FBXO21: variants seen among roughly 807,000 people sequenced by gnomAD.
FBXO21 encodes the protein F-box protein 21.
In FBXO21, 32 loss-of-function variants were observed where a neutral mutation model predicts 76.6. The ratio of observed to expected loss-of-function variants is 0.42; its 90% CI spans 0.32 to 0.56. The LOEUF (loss-of-function observed/expected upper bound fraction) is 0.56. Among genes scored for constraint, FBXO21 ranks in the 20% least tolerant of loss-of-function variants. The pLI, the probability that FBXO21 is intolerant of heterozygous loss-of-function variation, is 0.16. For synonymous variants in FBXO21, 328 were observed against 311.5 expected (o/e 1.05, Z -0.56); for missense variants, 586 against 797.3 (o/e 0.73, Z 3.19).
chr12:117,152,872 A>C (rs947058130), intron 11 of FBXO21, among the ~76,000 whole-genome samples: 11 of 152,294 alleles, frequency 7.2e-5, no homozygotes, highest in Middle Eastern at 6.8e-3. Flanking sequence ...TGTTGAATTG[A>C]CTAGAGGGTA....
At position 117,174,199 on chromosome 12, in the gene FBXO21, A is replaced by G. The variant is rs1956150847; in HGVS notation, c.876+6T>C. 2.5e-6 allele frequency: 4 copies of G among 1,607,278 alleles called. No individual in the cohort carries two copies. The East Asian group carries it at 8.9e-5, about 36-fold the overall frequency. ...TATACCCATATATTACTGTACCTAT[A>G]TTTACCTGATGCATATATAAGTTGA... On this transcript the variant is annotated splice_donor_region_variant and intron_variant, in intron 6 of 11. Coordinates refer to ENST00000622495, the MANE Select transcript of FBXO21 (RefSeq NM_015002.3).
intron 3 of FBXO21, among the ~76,000 whole-genome samples, chr12:117,183,022 G>A (rs1292069794): frequency 1.3e-5 from 2 of 152,278 alleles, no homozygotes; most frequent in South Asian, 2.1e-4. Flanking sequence ...GAGCCCAGGG[G>A]TTTGAGTCTG....
intron 11 of FBXO21, among the ~76,000 whole-genome samples, chr12:117,147,657 C>T (rs1484672517): frequency 6.6e-6 from 1 of 151,720 alleles, no homozygotes; most frequent in Non-Finnish European, 1.5e-5. Context: ...GCTTGGTTTC[C>T]CACTTCCCCA....
chr12:117,184,519 C>T lies in FBXO21; in HGVS notation c.470+1958G>A, dbSNP rs118082722. Among the ~76,000 whole-genome samples, 5 of 152,226 alleles carry T rather than the reference C, an allele frequency of 3.3e-5. No individual in the cohort carries two copies. The East Asian group carries it at 9.7e-4, about 29-fold the overall frequency. On this transcript the variant is annotated intron_variant, in intron 3 of 11. Transcript: ENST00000622495. Reference sequence around the variant, plus strand: ...CCATAATCTCAGCACTCTGGGAAGCCGAGACCAGCAGATCACGTGACATCA... The same window carrying T: ...CCATAATCTCAGCACTCTGGGAAGCTGAGACCAGCAGATCACGTGACATCA...
In FBXO21 at chr12:117,180,266, G is replaced by C. The variant is rs534394704; in HGVS notation, c.471-2625C>G. Among the ~76,000 whole-genome samples the C allele has an allele frequency of 9.2e-5, 14 of 152,328 alleles. No homozygotes were observed. The East Asian group carries it at 2.7e-3, about 29-fold the overall frequency. On this transcript the variant is annotated intron_variant, in intron 3 of 11. Coordinates refer to ENST00000622495, the MANE Select transcript of FBXO21 (RefSeq NM_015002.3). The stretch of plus-strand genomic sequence containing the variant: ...AGATGACAATCTGGAAACCAGGGAA[G>C]ATCAATTCCACTAGGTTGGTTATTA...
chr12:117,178,561 C>A (rs549574120), intron 3 of FBXO21, among the ~76,000 whole-genome samples: 1 of 152,194 alleles, frequency 6.6e-6, no homozygotes, highest in South Asian at 2.1e-4. Context: ...CTTGAACTCT[C>A]GCCCCATTAC....
chr12:117,161,278 C>G (rs1442366168), intron 9 of FBXO21, among the ~76,000 whole-genome samples: 4 of 151,964 alleles, frequency 2.6e-5, no homozygotes, highest in Non-Finnish European at 1.5e-5. Flanking sequence ...GCAGCACATG[C>G]AAAAGACTGA....
chr12:117,162,160 G>C (rs1344087193), intron 9 of FBXO21, among the ~76,000 whole-genome samples: 2 of 152,198 alleles, frequency 1.3e-5, no homozygotes. Flanking sequence ...TAGAAGAGAG[G>C]GGTGTTTGCC....
rs1955864227 is a variant in FBXO21 at position 117,153,154 on chromosome 12, G to T, written c.1675+2637C>A. Among the ~76,000 whole-genome samples, 3 of 151,994 alleles carry T rather than the reference G, an allele frequency of 2.0e-5. 1 individual carries two copies. In the South Asian group the frequency reaches 6.2e-4, roughly 32 times the overall value. On this transcript the variant is annotated intron_variant, in intron 11 of 11. Coordinates refer to ENST00000622495, the MANE Select transcript of FBXO21 (RefSeq NM_015002.3). Reference sequence around the variant, plus strand: ...TTGCTGTTGCTAAGGAAAATGCCCGGTTGGGGACAGGCCGGGAGGCAGGTG... The same window carrying T: ...TTGCTGTTGCTAAGGAAAATGCCCGTTTGGGGACAGGCCGGGAGGCAGGTG...
Position 117,145,796 on chromosome 12 carries a change from C to T in FBXO21, c.*291G>A. The T allele has an allele frequency of 4.0e-6, 1 of 252,866 alleles. No individual in the cohort carries two copies. The highest frequency in any genetic ancestry group is 1.4e-4 in the South Asian group (1 of 7,198). 15.7% of individuals were successfully genotyped at this position (252,866 alleles called of 1,614,324 possible). On this transcript the variant is annotated 3_prime_UTR_variant, in exon 12 of 12. Coordinates refer to ENST00000622495, the MANE Select transcript of FBXO21 (RefSeq NM_015002.3). ...ATTACAGGAGCGTCGACTGTGAGAC[C>T]TCATGAAGACAGAATGTCACAAACT...
rs757795966 is a variant in FBXO21, at chr12:117,146,049, T to C, written c.*38A>G. 10 of 1,494,672 alleles carry C rather than the reference T, an allele frequency of 6.7e-6. No individual in the cohort carries two copies. Among genetic ancestry groups the C allele is most frequent in the East Asian group, 4.7e-5 (2 of 42,382 alleles). The allele number at this position is 1,494,672 out of a possible 1,614,324, so 92.6% of individuals were successfully genotyped here. A position where few individuals can be genotyped will look rare whatever the true frequency, so the allele number is the denominator to read the frequency against. On this transcript the variant is annotated 3_prime_UTR_variant, in exon 12 of 12. Transcript: ENST00000622495. ...TCCGGAGTCCCGTTCTCTTGGAAGA[T>C]AGCAGCAGCAGCAAAGGTGCAATGT...
At chr12:117,172,851 ATAGT>A (rs1211161399) in intron 6 of FBXO21, among the ~76,000 whole-genome samples, 8 of 152,186 alleles carry the variant, frequency 5.3e-5, no homozygotes, top group African/African-American at 1.9e-4. Context: ...GTTTGAAAAA[ATAGT>A]TAATACTATT....
intron 11 of FBXO21, among the ~76,000 whole-genome samples, chr12:117,152,276 G>A (rs892287555): frequency 2.0e-5 from 3 of 152,122 alleles, no homozygotes; most frequent in African/African-American, 7.2e-5. Flanking sequence ...AGACCAGCCT[G>A]GGCTACATGG....
chr12:117,186,657 G>A, intron 2 of FBXO21, 86 bp from the exon 3 acceptor site: 2 of 805,940 alleles, frequency 2.5e-6, no homozygotes, highest in South Asian at 3.0e-5. Flanking sequence ...AAATAAAGAT[G>A]TCCACTACTA....
At position 117,145,436 on chromosome 12, in the gene FBXO21, G is replaced by C. The variant is rs543995331; in HGVS notation, c.*651C>G. The C allele has an allele frequency of 6.6e-6, 1 of 150,632 alleles. No homozygotes were observed. Among genetic ancestry groups the C allele is most frequent in the Admixed American group, 6.7e-5 (1 of 15,030 alleles). The allele number at this position is 150,632 out of a possible 1,614,324, so 9.3% of individuals were successfully genotyped here. A position where few individuals can be genotyped will look rare whatever the true frequency, so the allele number is the denominator to read the frequency against. ...AGAGAGGAATATGGAAGGGAAAACT[G>C]TGTTATATTCCCATTTAAATTTAAA... is the stretch of plus-strand genomic sequence containing the variant. On this transcript the variant is annotated 3_prime_UTR_variant, in exon 12 of 12. Coordinates refer to ENST00000622495, the MANE Select transcript of FBXO21 (RefSeq NM_015002.3).
intron 10 of FBXO21, among the ~76,000 whole-genome samples, chr12:117,157,447 A>C (rs1260306989): frequency 6.6e-6 from 1 of 152,212 alleles, no homozygotes; most frequent in Non-Finnish European, 1.5e-5. Context: ...AAACTGCTCC[A>C]ATCACTTTGG....
At position 117,177,562 on chromosome 12, in the gene FBXO21, C is replaced by A; in HGVS notation, c.550G>T (p.Ala184Ser). Residue 184 changes from alanine to serine, a missense_variant, in exon 4 of 12, where the codon GCC becomes TCC. By Grantham distance (99) the Ala-to-Ser change is moderately conservative. This residue lies in a region of FBXO21 where 246 missense variants were observed against 356.8 expected (regional missense o/e 0.69). Transcript: ENST00000622495. ...TAGTCATCTGGCTGCTGAAGAAAGG[C>A]CTTAAGATTATTTAAGATCTTCTGT... ...RQQKILNNLK[A>S]FLQQPDDYES... The A allele has an allele frequency of 6.2e-7, 1 of 1,613,766 alleles. No homozygotes were observed.
At chr12:117,173,152 C>A (rs1956134910) in intron 6 of FBXO21, among the ~76,000 whole-genome samples, 1 of 152,108 alleles carries the variant, frequency 6.6e-6, no homozygotes, top group Admixed American at 6.6e-5. Context: ...CCTCAGCCTC[C>A]CGAGTAGCTG....
intron 1 of FBXO21, 146 bp downstream of exon 1, chr12:117,190,072 G>A: frequency 8.2e-6 from 2 of 244,810 alleles, no homozygotes; most frequent in African/African-American, 2.3e-5. Context: ...CCGGGGCCTG[G>A]AGGCCTTTGT....
Sources: gnomAD v4.1 joint callset for allele counts (sites outside exome capture counted in the v4.1 genomes callset) on GRCh38, gnomAD v4.1.1 for gene constraint, gnomAD v4.1.1 regional missense constraint, MANE v1.5 for transcripts, NCBI Gene and HGNC (gene_info 2026-07-23, HGNC 2026-07-21) for gene names.